The following PLXNA2 variants were observed in gnomAD, a reference collection of about 807,000 sequenced individuals.
PLXNA2 encodes the protein plexin A2.
In PLXNA2, 91 loss-of-function variants were observed where a neutral mutation model predicts 193.5. That is an observed-to-expected ratio of 0.47 (90% confidence interval 0.40 to 0.56). The LOEUF (loss-of-function observed/expected upper bound fraction) is 0.56, where lower values mean the gene tolerates loss of function less well. Among genes scored for constraint, PLXNA2 ranks in the 20% least tolerant of loss-of-function variants. The pLI, the probability that PLXNA2 is intolerant of heterozygous loss-of-function variation, is 0.00. For missense variants in PLXNA2, 1,995 were observed against 2,503.2 expected (o/e 0.80, Z 4.33); for synonymous variants, 997 against 1,027.3 (o/e 0.97, Z 0.56).
intron 22 of PLXNA2, among the ~76,000 whole-genome samples, chr1:208,041,534 T>C (rs888903336): frequency 6.6e-6 from 1 of 152,226 alleles, no homozygotes. Flanking sequence ...CCTTCTGCGA[T>C]AATGGGAATG....
intron 1 of PLXNA2, among the ~76,000 whole-genome samples, chr1:208,221,138 G>A (rs1671315597): frequency 6.6e-6 from 1 of 152,192 alleles, no homozygotes; most frequent in Admixed American, 6.5e-5. Context: ...CATTCTGCCT[G>A]TGTGACTCAT....
intron 1 of PLXNA2, among the ~76,000 whole-genome samples, chr1:208,231,350 C>G (rs1342726108): frequency 6.6e-6 from 1 of 151,774 alleles, no homozygotes; most frequent in Non-Finnish European, 1.5e-5. Context: ...AGGAGGGAAG[C>G]GGGAGGGAGG....
rs61815420 is a variant in PLXNA2 at position 208,134,347 on chromosome 1, G to A, written c.1506+7982C>T. On this transcript the variant is annotated intron_variant, in intron 4 of 31. Transcript: ENST00000367033. ...GAAAGAGGAAAAAATCAAAACCCGG[G>A]TTTGAGGTGGTCATTGTTGCCTGCA... is the stretch of plus-strand genomic sequence containing the variant. 8.2e-3 allele frequency among the ~76,000 whole-genome samples: 1,242 copies of A among 152,282 alleles called. 12 individuals carry two copies. The highest frequency in any genetic ancestry group is 0.012 in the Non-Finnish European group (815 of 68,020).
chr1:208,084,382 A>G lies in PLXNA2; in HGVS notation c.2296T>C (p.Ser766Pro). 6.2e-7 allele frequency: 1 copy of G among 1,614,130 alleles called. No individual in the cohort carries two copies. Among genetic ancestry groups the G allele is most frequent in the Non-Finnish European group, 8.5e-7 (1 of 1,180,012 alleles). ...GGGCCCAGCCTGCGTTTTCTTACCGAGCTGTTCTGACACTGAACGCTGGAG... is the reference window on the plus strand; with the variant it reads ...GGGCCCAGCCTGCGTTTTCTTACCGGGCTGTTCTGACACTGAACGCTGGAG... The part of the protein sequence containing the change: ...NSSSVQCQNS[S>P]YQYDGMDISN... The change falls in exon 10 of 32, where the codon TCG (serine) becomes CCG (proline). Residue 766 changes from serine (S) to proline (P), a missense_variant and splice_region_variant. By Grantham distance (74) the Ser-to-Pro change is moderately conservative. This residue lies in a region of PLXNA2 where 1,291 missense variants were observed against 1,673.6 expected (regional missense o/e 0.77). Transcript: ENST00000367033.
At chr1:208,060,507 AC>A (rs1192142604) in intron 13 of PLXNA2, among the ~76,000 whole-genome samples, 178 bp downstream of exon 13, 1 of 151,320 alleles carries the variant, frequency 6.6e-6, no homozygotes, top group South Asian at 2.1e-4. Context: ...ACAGGATGAG[AC>A]CCCCTGAGGG....
intron 26 of PLXNA2, among the ~76,000 whole-genome samples, chr1:208,035,809 A>G (rs1474011920): frequency 1.3e-5 from 2 of 152,200 alleles, no homozygotes; most frequent in African/African-American, 4.8e-5. Flanking sequence ...ACCAAAAAAG[A>G]ATTAAATGTG....
intron 12 of PLXNA2, among the ~76,000 whole-genome samples, chr1:208,066,735 T>C (rs926397268): frequency 2.0e-5 from 3 of 152,118 alleles, no homozygotes; most frequent in Non-Finnish European, 4.4e-5. Context: ...GGCATTGTCA[T>C]CATAGGAGAC....
At chr1:208,048,554 G>A (rs1489740619) in intron 17 of PLXNA2, among the ~76,000 whole-genome samples, 2 of 152,194 alleles carry the variant, frequency 1.3e-5, no homozygotes, top group Non-Finnish European at 2.9e-5. Flanking sequence ...TTGGAACATT[G>A]AGATCATGGT....
chr1:208,112,096 C>G (rs975437020), intron 4 of PLXNA2, among the ~76,000 whole-genome samples: 3 of 152,160 alleles, frequency 2.0e-5, no homozygotes, highest in African/African-American at 7.2e-5. Flanking sequence ...TTAAACCTAT[C>G]TATCACTCAG....
At chr1:208,105,312 G>T (rs1353214493) in intron 4 of PLXNA2, among the ~76,000 whole-genome samples, 2 of 152,226 alleles carry the variant, frequency 1.3e-5, no homozygotes, top group African/African-American at 4.8e-5. Flanking sequence ...GCTCAGAAAA[G>T]CTCAACATCA....
intron 3 of PLXNA2, among the ~76,000 whole-genome samples, chr1:208,164,873 A>G (rs1271832689): frequency 6.6e-6 from 1 of 152,204 alleles, no homozygotes; most frequent in Non-Finnish European, 1.5e-5. Flanking sequence ...TTGTCTGCAG[A>G]TCGGCAAAGC....
In PLXNA2 at chr1:208,040,178, G is replaced by T. The variant is rs184854878; in HGVS notation, c.4287-120C>A. 277 of 766,868 alleles carry T rather than the reference G, an allele frequency of 3.6e-4. 2 individuals are homozygous for T. The East Asian group carries it at 6.1e-3, about 17-fold the overall frequency. 47.5% of individuals were successfully genotyped at this position (766,868 alleles called of 1,614,324 possible). A position where few individuals can be genotyped will look rare whatever the true frequency, so the allele number is the denominator to read the frequency against. On this transcript the variant is annotated intron_variant, in intron 22 of 31. Transcript: ENST00000367033. The stretch of plus-strand genomic sequence containing the variant: ...GAGCATGGGAGAACGCAGGGCGGGA[G>T]TCAGGACACCTGGGTCCCAGCCCAG...
chr1:208,173,712 G>A (rs1287078216), intron 3 of PLXNA2, among the ~76,000 whole-genome samples: 1 of 152,192 alleles, frequency 6.6e-6, no homozygotes, highest in Non-Finnish European at 1.5e-5. Flanking sequence ...CTGTCTCAAG[G>A]GTGAGTGGAG....
intron 12 of PLXNA2, among the ~76,000 whole-genome samples, chr1:208,065,188 G>A (rs1665750799): frequency 6.6e-6 from 1 of 152,214 alleles, no homozygotes; most frequent in East Asian, 1.9e-4. Context: ...TGACAGAAGG[G>A]AAACCAAAGT....
rs1460037998 is a variant in PLXNA2 at position 208,044,882 on chromosome 1, G to A, written c.3640-140C>T. 3.0e-6 allele frequency: 3 copies of A among 988,912 alleles called. No homozygotes were observed. The highest frequency in any genetic ancestry group is 4.5e-6 in the Non-Finnish European group (3 of 659,992). The allele number at this position is 988,912 out of a possible 1,614,324, so 61.3% of individuals were successfully genotyped here. A position where few individuals can be genotyped will look rare whatever the true frequency, so the allele number is the denominator to read the frequency against. ...AGCTCTAGATAAAAAGCAATTTCCT[G>A]CCTCGGCATCTGCCTTTCTTTTCTT... On this transcript the variant is annotated intron_variant, in intron 19 of 31. Transcript: ENST00000367033. The surrounding 1 kb of genome is among the most constrained non-coding windows in gnomAD (Gnocchi z 4.9).
At chr1:208,213,132 T>C (rs1231112079) in intron 2 of PLXNA2, among the ~76,000 whole-genome samples, 1 of 152,118 alleles carries the variant, frequency 6.6e-6, no homozygotes, top group African/African-American at 2.4e-5. Context: ...ATTTTGCTAC[T>C]GTCTTATTGA....
intron 3 of PLXNA2, among the ~76,000 whole-genome samples, chr1:208,177,733 T>C (rs1353435429): frequency 2.0e-5 from 3 of 152,248 alleles, no homozygotes; most frequent in African/African-American, 4.8e-5. Flanking sequence ...TTCTCAACCG[T>C]GGTCCCCAGA....
intron 12 of PLXNA2, among the ~76,000 whole-genome samples, chr1:208,071,628 G>A (rs1223454288): frequency 6.6e-6 from 1 of 152,200 alleles, no homozygotes; most frequent in African/African-American, 2.4e-5. Context: ...TCTCCTGCCC[G>A]GCGTGAATCC....
chr1:208,218,025 G>A (rs1200997015), intron 1 of PLXNA2, 23 bp from the exon 2 acceptor site: 1 of 1,538,126 alleles, frequency 6.5e-7, no homozygotes, highest in Middle Eastern at 1.8e-4. Context: ...AGGCAGAGTG[G>A]TCAGACCAAA....
Sources: gnomAD v4.1 joint callset for allele counts (sites outside exome capture counted in the v4.1 genomes callset) on GRCh38, gnomAD v4.1.1 for gene constraint, gnomAD v4.1.1 regional missense constraint, Gnocchi (gnomAD v3.1) non-coding constraint, MANE v1.5 for transcripts, NCBI Gene and HGNC (gene_info 2026-07-23, HGNC 2026-07-21) for gene names.